The following RTKN2 variants were observed in gnomAD, a reference collection of about 807,000 sequenced individuals.
RTKN2 encodes rhotekin-2.
A neutral mutation model predicts 71.5 loss-of-function variants in RTKN2; 69 were observed. The ratio of observed to expected loss-of-function variants is 0.96; its 90% CI spans 0.79 to 1.18. The LOEUF (loss-of-function observed/expected upper bound fraction) is 1.18, where lower values mean the gene tolerates loss of function less well. Ranked by LOEUF, RTKN2 falls within the 50% of genes most tolerant of loss-of-function variation. The pLI is 0.00. For synonymous variants in RTKN2, 236 were observed against 236.5 expected (o/e 1.00, Z 0.02); for missense variants, 724 against 719.7 (o/e 1.01, Z -0.07).
At chr10:62,189,030 G>C (rs1021929430), downstream of RTKN2, among the ~76,000 whole-genome samples, 2 of 149,314 alleles carry the variant, frequency 1.3e-5, no homozygotes, top group Non-Finnish European at 3.0e-5. Flanking sequence ...TTACAGGCGT[G>C]AGCCACTGCG....
chr10:62,228,191 T>G lies in RTKN2; in HGVS notation c.687-4859A>C, dbSNP rs1047719209. 2.0e-5 allele frequency among the ~76,000 whole-genome samples: 3 copies of G among 151,890 alleles called. No individual in the cohort carries two copies. The East Asian group carries it at 5.8e-4, about 29-fold the overall frequency. On this transcript the variant is annotated intron_variant, in intron 6 of 11. Transcript: ENST00000373789. ...TTTAATGAAAGTTAGTTAGGTGAAGTCCAAGGACCAAATACTGGGACACAA... is the reference window on the plus strand; with the variant it reads ...TTTAATGAAAGTTAGTTAGGTGAAGGCCAAGGACCAAATACTGGGACACAA...
At chr10:62,198,834 A>G (rs896432545) in intron 11 of RTKN2, among the ~76,000 whole-genome samples, 2 of 152,138 alleles carry the variant, frequency 1.3e-5, no homozygotes. Flanking sequence ...TGGATTTAAA[A>G]CCTTATTCTG....
At chr10:62,249,305 T>C (rs1842533794) in intron 2 of RTKN2, among the ~76,000 whole-genome samples, 1 of 151,478 alleles carries the variant, frequency 6.6e-6, no homozygotes, top group Non-Finnish European at 1.5e-5. Context: ...TGATTAGTAT[T>C]GTTTTTACAA....
chr10:62,246,356 A>G (rs1055771035), intron 2 of RTKN2, among the ~76,000 whole-genome samples: 1 of 152,102 alleles, frequency 6.6e-6, no homozygotes, highest in Non-Finnish European at 1.5e-5. Context: ...AACAAGATGT[A>G]CAATATTTGT....
chr10:62,225,324 C>G (rs1198605841), intron 6 of RTKN2, among the ~76,000 whole-genome samples: 2 of 152,174 alleles, frequency 1.3e-5, no homozygotes, highest in Non-Finnish European at 2.9e-5. Flanking sequence ...CCACATGGAC[C>G]AATCCCCCCT....
intron 11 of RTKN2, 28 bp from the exon 12 acceptor site, chr10:62,198,471 T>G: frequency 7.3e-7 from 1 of 1,375,014 alleles, no homozygotes. Flanking sequence ...AAAAAAAACA[T>G]GAAAAAATTC....
At chr10:62,192,893 T>A (rs1841245815), downstream of RTKN2, among the ~76,000 whole-genome samples, 1 of 152,184 alleles carries the variant, frequency 6.6e-6, no homozygotes, top group South Asian at 2.1e-4. Context: ...TTTAAAAGAA[T>A]TTTTTAAAAC....
rs1318894372 is a variant in RTKN2 at position 62,198,334 on chromosome 10, A to G, written c.1404T>C (p.Pro468=). 13 of 1,613,752 alleles carry G rather than the reference A, an allele frequency of 8.1e-6. No individual in the cohort carries two copies. Among genetic ancestry groups the G allele is most frequent in the Non-Finnish European group, 1.0e-5 (12 of 1,179,834 alleles). The change falls in exon 12 of 12, where the codon CCT becomes CCC. Residue 468 remains proline, a synonymous_variant. Transcript: ENST00000373789. ...TACCATCAAAGAGTGTGGCCCAAGG[A>G]GGTGGTAAGGATTCTTCATGCTGAC... The part of the protein sequence containing the change: ...LIGQHEESLP[P]PWATLFDGNH...
At chr10:62,192,932 C>T (rs1841246693), downstream of RTKN2, among the ~76,000 whole-genome samples, 1 of 152,102 alleles carries the variant, frequency 6.6e-6, no homozygotes. Context: ...GAATCTAACA[C>T]ACTATGTGTA....
chr10:62,201,671 T>C (rs1176292167), intron 10 of RTKN2, among the ~76,000 whole-genome samples: 1 of 152,186 alleles, frequency 6.6e-6, no homozygotes, highest in African/African-American at 2.4e-5. Flanking sequence ...GTACAGTATT[T>C]CCTCTATATC....
intron 2 of RTKN2, among the ~76,000 whole-genome samples, chr10:62,253,983 G>T (rs1842628062): frequency 6.6e-6 from 1 of 152,104 alleles, no homozygotes; most frequent in African/African-American, 2.4e-5. Context: ...TGATTCTTGG[G>T]GTGGGAACCG....
chr10:62,190,143 G>T (rs1159586889), downstream of RTKN2, among the ~76,000 whole-genome samples: 1 of 152,066 alleles, frequency 6.6e-6, no homozygotes, highest in Non-Finnish European at 1.5e-5. Context: ...TAATTGCGAA[G>T]GAAATGGATT....
chr10:62,189,601 A>C (rs545582407), downstream of RTKN2, among the ~76,000 whole-genome samples: 56 of 152,220 alleles, frequency 3.7e-4, no homozygotes, highest in Admixed American at 1.2e-3. Context: ...TGAGGCGGGC[A>C]GATCACCTGA....
intron 9 of RTKN2, among the ~76,000 whole-genome samples, chr10:62,205,683 T>C (rs1253602953): frequency 6.6e-6 from 1 of 152,232 alleles, no homozygotes; most frequent in Non-Finnish European, 1.5e-5. Context: ...GACAATGGTT[T>C]CATTCACGCT....
At chr10:62,250,794 T>C (rs1842566172) in intron 2 of RTKN2, among the ~76,000 whole-genome samples, 1 of 152,140 alleles carries the variant, frequency 6.6e-6, no homozygotes, top group African/African-American at 2.4e-5. Context: ...CATGCCCAGC[T>C]AATGTTTATG....
Position 62,204,840 on chromosome 10 carries a change from T to C in RTKN2, c.1186+17A>G. On this transcript the variant is annotated intron_variant, in intron 10 of 11. Coordinates refer to ENST00000373789, the MANE Select transcript of RTKN2 (RefSeq NM_145307.4). ...CTACATAAATACACAACTAAAAAAA[T>C]CCAAATATCTATTTACTAAGATCAA... The C allele has an allele frequency of 1.3e-6, 2 of 1,529,240 alleles. No homozygotes were observed. The highest frequency in any genetic ancestry group is 2.4e-5 in the East Asian group (1 of 42,176). 94.7% of individuals were successfully genotyped at this position (1,529,240 alleles called of 1,614,324 possible).
At chr10:62,203,239 T>C (rs1334807085) in intron 10 of RTKN2, among the ~76,000 whole-genome samples, 1 of 152,196 alleles carries the variant, frequency 6.6e-6, no homozygotes, top group Non-Finnish European at 1.5e-5. Flanking sequence ...ATAAGACGGA[T>C]TCTCTAAGAC....
Position 62,221,992 on chromosome 10 carries a change from A to C in RTKN2, c.781+1246T>G, listed in dbSNP as rs146069527. 3.6e-3 allele frequency among the ~76,000 whole-genome samples: 544 copies of C among 152,342 alleles called. 2 individuals are homozygous for C. Among genetic ancestry groups the C allele is most frequent in the Middle Eastern group, 0.024 (7 of 294 alleles). On this transcript the variant is annotated intron_variant, in intron 7 of 11. Coordinates refer to ENST00000373789, the MANE Select transcript of RTKN2 (RefSeq NM_145307.4). ...TTATTGAAACTGACCCAAGAAATAG[A>C]AAAGCTGAAGAACCCTGTAACTATT...
At chr10:62,231,690 T>TA (rs897117029) in intron 6 of RTKN2, among the ~76,000 whole-genome samples, 18 of 151,234 alleles carry the variant, frequency 1.2e-4, no homozygotes, top group East Asian at 7.7e-4. Context: ...GGAATGTTAT[T>TA]AAAAAAAAAT....
Sources: allele counts gnomAD v4.1 joint callset (sites outside exome capture counted in the v4.1 genomes callset), GRCh38; gene constraint gnomAD v4.1.1; transcripts MANE v1.5; gene names NCBI Gene and HGNC (gene_info 2026-07-23, HGNC 2026-07-21).